CSGALNACT1: variants seen among roughly 807,000 people sequenced by gnomAD.
The protein encoded by CSGALNACT1 is beta4GalNAcT-1.
Under a neutral mutation model 51.0 loss-of-function variants are expected in CSGALNACT1, and 52 were observed. The observed-to-expected ratio is 1.02, with a 90% CI of 0.82 to 1.29. CSGALNACT1 has a LOEUF of 1.29. Ranked by LOEUF, CSGALNACT1 falls within the 50% of genes most tolerant of loss-of-function variation. The pLI is 0.00. For missense variants in CSGALNACT1, 935 were observed against 679.2 expected (o/e 1.38, Z -4.19); for synonymous variants, 341 against 254.4 (o/e 1.34, Z -3.24).
At chr8:19,482,050 A>C (rs1363683381) in intron 4 of CSGALNACT1, among the ~76,000 whole-genome samples, 1 of 152,128 alleles carries the variant, frequency 6.6e-6, no homozygotes, top group Non-Finnish European at 1.5e-5. Context: ...CAAATCGCTC[A>C]TGACTCCGAT....
chr8:19,457,875 C>T (rs2064457315), intron 5 of CSGALNACT1: 1 of 1,122,344 alleles, frequency 8.9e-7, no homozygotes, highest in South Asian at 1.2e-5. Context: ...GGGCTTGAAA[C>T]CTTCTTGGTA....
At chr8:19,575,730 G>T (rs1022392370) in intron 3 of CSGALNACT1, among the ~76,000 whole-genome samples, 2 of 152,168 alleles carry the variant, frequency 1.3e-5, no homozygotes, top group African/African-American at 4.8e-5. Flanking sequence ...AAGTATTTAC[G>T]TGTGAAAGAG....
chr8:19,668,355 C>CACAT (rs2059546274), intron 1 of CSGALNACT1, among the ~76,000 whole-genome samples: 1 of 151,110 alleles, frequency 6.6e-6, no homozygotes, highest in Non-Finnish European at 1.5e-5. Flanking sequence ...CACACACACA[C>CACAT]ACACAACTTT....
chr8:19,666,941 G>A (rs867035988), intron 1 of CSGALNACT1, among the ~76,000 whole-genome samples: 1 of 114,576 alleles, frequency 8.7e-6, no homozygotes, highest in African/African-American at 3.4e-5. Flanking sequence ...GAGAGAGAGA[G>A]AAAAAGAAAG....
chr8:19,448,463 C>T (rs1347577843), intron 5 of CSGALNACT1, among the ~76,000 whole-genome samples: 4 of 152,272 alleles, frequency 2.6e-5, no homozygotes, highest in African/African-American at 9.6e-5. Flanking sequence ...GGTCACCCTC[C>T]CTACTGCAGG....
At chr8:19,574,596 C>T (rs1588549413) in intron 3 of CSGALNACT1, among the ~76,000 whole-genome samples, 1 of 152,252 alleles carries the variant, frequency 6.6e-6, no homozygotes, top group East Asian at 1.9e-4. Context: ...CACAGCCAGC[C>T]CACCTCGTGC....
intron 1 of CSGALNACT1, among the ~76,000 whole-genome samples, chr8:19,750,948 A>G (rs1004323522): frequency 2.0e-5 from 3 of 152,166 alleles, no homozygotes; most frequent in Admixed American, 1.3e-4. Context: ...TCTACATTGC[A>G]TTTTTGAGCT....
exon 7 of CSGALNACT1, chr8:19,420,443 T>C: frequency 6.2e-7 from 1 of 1,614,152 alleles, no homozygotes; most frequent in Non-Finnish European, 8.5e-7. Context: ...AGAAGCGGGC[T>C]CCAACATCAA....
intron 3 of CSGALNACT1, among the ~76,000 whole-genome samples, chr8:19,554,506 A>G (rs2089185773): frequency 6.6e-6 from 1 of 152,276 alleles, no homozygotes; most frequent in South Asian, 2.1e-4. Context: ...AGTTACTTAA[A>G]TAGAGGAACT....
intron 1 of CSGALNACT1, among the ~76,000 whole-genome samples, chr8:19,696,806 C>T (rs2061606829): frequency 6.6e-6 from 1 of 152,176 alleles, no homozygotes; most frequent in Non-Finnish European, 1.5e-5. Context: ...ACAGTGTCGA[C>T]TGTTCTCACT....
chr8:19,436,413 G>C (rs568971930), intron 6 of CSGALNACT1, among the ~76,000 whole-genome samples: 2 of 152,056 alleles, frequency 1.3e-5, no homozygotes, highest in Admixed American at 1.3e-4. Context: ...CCTGAGTAAC[G>C]ACCTCATTAA....
chr8:19,505,118 C>T, intron 4 of CSGALNACT1, 83 bp downstream of exon 3: 1 of 1,505,074 alleles, frequency 6.6e-7, no homozygotes, highest in Non-Finnish European at 9.2e-7. Context: ...AGCTGCCAGC[C>T]TCCTGGAGCT....
chr8:19,478,135 CCGGG>C lies in CSGALNACT1; in HGVS notation c.635-19497_635-19494del, dbSNP rs1563626322. 2.5e-5 allele frequency among the ~76,000 whole-genome samples: 3 copies of C among 121,148 alleles called. No individual in the cohort carries two copies. In the East Asian group the frequency reaches 2.0e-3, roughly 83 times the overall value. 79.5% of individuals were successfully genotyped at this position (121,148 alleles called of 152,430 possible). On this transcript the variant is annotated intron_variant, in intron 4 of 9. Coordinates refer to ENST00000454498, the Ensembl canonical transcript of CSGALNACT1. ...AGCTTTAAAAATACTCATGTCTGGGCCGGGTGCGGTGGCTCACGCCTGTAATCTC... is the reference window on the plus strand; with the variant it reads ...AGCTTTAAAAATACTCATGTCTGGGCTGCGGTGGCTCACGCCTGTAATCTC...
At chr8:19,616,305 G>A (rs1007383538) in intron 1 of CSGALNACT1, among the ~76,000 whole-genome samples, 5 of 152,152 alleles carry the variant, frequency 3.3e-5, no homozygotes, top group Middle Eastern at 6.8e-3. Context: ...CAAGATAAAC[G>A]AAAACATGGC....
chr8:19,502,851 T>C (rs954678048), intron 4 of CSGALNACT1, among the ~76,000 whole-genome samples: 1 of 152,212 alleles, frequency 6.6e-6, no homozygotes, highest in Non-Finnish European at 1.5e-5. Flanking sequence ...TCCCCAAATG[T>C]AATTCAGTCC....
intron 4 of CSGALNACT1, among the ~76,000 whole-genome samples, chr8:19,493,761 T>A (rs183265131): frequency 4.4e-4 from 67 of 152,316 alleles, no homozygotes; most frequent in Admixed American, 4.4e-3. Flanking sequence ...ATTTGGGTTG[T>A]TTCCACTTTT....
At chr8:19,520,669 A>T (rs1329827817) in intron 3 of CSGALNACT1, among the ~76,000 whole-genome samples, 1 of 152,246 alleles carries the variant, frequency 6.6e-6, no homozygotes, top group Non-Finnish European at 1.5e-5. Flanking sequence ...ACTGTTGAAC[A>T]TTCCACTAAT....
rs151280037 is a variant in CSGALNACT1, at chr8:19,484,279, C to A, written c.634+20922G>T. The stretch of plus-strand genomic sequence containing the variant: ...ATTCTCCACCGAATAAGAAAAAAAT[C>A]ACATGCTGCAGTTGCTAAGATCTAT... On this transcript the variant is annotated intron_variant, in intron 4 of 9. Coordinates refer to ENST00000454498, the Ensembl canonical transcript of CSGALNACT1. Among the ~76,000 whole-genome samples, 15 of 143,172 alleles carry A rather than the reference C, an allele frequency of 1.0e-4. No individual in the cohort carries two copies. The East Asian group carries it at 2.7e-3, about 26-fold the overall frequency. The allele number at this position is 143,172 out of a possible 152,430, so 93.9% of individuals were successfully genotyped here. A position where few individuals can be genotyped will look rare whatever the true frequency, so the allele number is the denominator to read the frequency against.
intron 3 of CSGALNACT1, among the ~76,000 whole-genome samples, chr8:19,514,863 C>T (rs1030783955): frequency 7.9e-5 from 12 of 152,006 alleles, no homozygotes; most frequent in African/African-American, 2.7e-4. Context: ...ATATTAAATA[C>T]AAGCTTTATA....
Sources: gnomAD v4.1 joint callset for allele counts (sites outside exome capture counted in the v4.1 genomes callset) on GRCh38, gnomAD v4.1.1 for gene constraint, MANE v1.5 for transcripts, NCBI Gene and HGNC (gene_info 2026-07-23, HGNC 2026-07-21) for gene names.